The following CFTR variants were observed in gnomAD, a reference collection of about 807,000 sequenced individuals.
CFTR encodes the protein cystic fibrosis transmembrane conductance regulator.
In CFTR, 181 loss-of-function variants were observed where a neutral mutation model predicts 171.6. That is an observed-to-expected ratio of 1.05 (90% CI 0.93 to 1.19). The LOEUF (loss-of-function observed/expected upper bound fraction) is 1.19, where lower values mean the gene tolerates loss of function less well. CFTR is among the 50% of genes most tolerant of loss of function. The probability of loss-of-function intolerance (pLI) is 0.00; values close to 1 mark genes in which losing one functional copy is unlikely to be tolerated. For missense variants in CFTR, 1,968 were observed against 1,734.7 expected, an observed-to-expected ratio of 1.13 and a Z score of -2.39; for synonymous variants, 583 against 608.0, an observed-to-expected ratio of 0.96 and a Z score of 0.60.
At chr7:117,640,877 C>G (rs10276355) in intron 22 of CFTR, among the ~76,000 whole-genome samples, 2,173 of 152,208 alleles carry the variant, frequency 0.014, 37 homozygotes, top group African/African-American at 0.031. Context: ...CTGGCTATCC[C>G]TTAGTCAATT....
At chr7:117,568,391 A>G (rs1791636687) in intron 11 of CFTR, among the ~76,000 whole-genome samples, 1 of 152,074 alleles carries the variant, frequency 6.6e-6, no homozygotes, top group Admixed American at 6.6e-5. Flanking sequence ...GAGGAGCGGT[A>G]AGGCTGGTGG....
At chr7:117,645,934 C>A (rs565760607) in intron 23 of CFTR, among the ~76,000 whole-genome samples, 2 of 152,196 alleles carry the variant, frequency 1.3e-5, no homozygotes, top group East Asian at 3.9e-4. Context: ...TTTTTTCTTA[C>A]TAAGTTTTCT....
chr7:117,507,110 T>C (rs1798431634), intron 2 of CFTR, among the ~76,000 whole-genome samples: 1 of 152,224 alleles, frequency 6.6e-6, no homozygotes, highest in Non-Finnish European at 1.5e-5. Context: ...GGATATGAAC[T>C]TTTTAAGAAT....
rs370441339 is a variant in CFTR, at chr7:117,546,434, C to T, written c.1210-2207C>T. Among the ~76,000 whole-genome samples the T allele has an allele frequency of 4.4e-4, 67 of 152,048 alleles. 1 individual carries two copies. The East Asian group carries it at 0.011, about 26-fold the overall frequency. ...ACAGGCATGAGTCATTGCAGCTGAC[C>T]TGTATATATGATTTTTAGTATATGT... On this transcript the variant is annotated intron_variant, in intron 9 of 26. Transcript: ENST00000003084.
At chr7:117,504,984 A>G (rs1308485735) in intron 2 of CFTR, among the ~76,000 whole-genome samples, 2 of 152,204 alleles carry the variant, frequency 1.3e-5, no homozygotes, top group Non-Finnish European at 2.9e-5. Flanking sequence ...ATTTGCTTTC[A>G]AAACCTTTAT....
At chr7:117,630,556 ACT>A (rs1188198058) in intron 22 of CFTR, among the ~76,000 whole-genome samples, 2 of 152,136 alleles carry the variant, frequency 1.3e-5, no homozygotes, top group African/African-American at 4.8e-5. Context: ...AAAAAAGAAA[ACT>A]CAGCAAATCG....
At chr7:117,582,269 A>G (rs1328732833) in intron 11 of CFTR, among the ~76,000 whole-genome samples, 1 of 152,160 alleles carries the variant, frequency 6.6e-6, no homozygotes. Context: ...TAAGCCAGAC[A>G]GACCAGGGTT....
At chr7:117,612,055 A>G (rs1030080949) in intron 20 of CFTR, among the ~76,000 whole-genome samples, 30 of 74,814 alleles carry the variant, frequency 4.0e-4, no homozygotes, top group Admixed American at 5.8e-4. Context: ...ATATATATAC[A>G]TATATATATA....
intron 9 of CFTR, among the ~76,000 whole-genome samples, chr7:117,545,020 T>C (rs950879193): frequency 3.9e-5 from 6 of 152,222 alleles, no homozygotes; most frequent in African/African-American, 1.4e-4. Flanking sequence ...GTTTTCATGT[T>C]GCTGATAAAG....
At chr7:117,666,573 A>G (rs1471728865) in intron 26 of CFTR, among the ~76,000 whole-genome samples, 1 of 152,174 alleles carries the variant, frequency 6.6e-6, no homozygotes, top group African/African-American at 2.4e-5. Flanking sequence ...GAAGAGGCTC[A>G]ACTCTTTATG....
At chr7:117,534,410 T>C (rs1277191941) in intron 5 of CFTR, 45 bp downstream of exon 5, 1 of 1,061,414 alleles carries the variant, frequency 9.4e-7, no homozygotes, top group Admixed American at 1.7e-5. Flanking sequence ...TTGTTATAAA[T>C]TATACAACTG....
At chr7:117,525,137 T>C (rs1284218260) in intron 3 of CFTR, among the ~76,000 whole-genome samples, 3 of 152,238 alleles carry the variant, frequency 2.0e-5, no homozygotes, top group African/African-American at 4.8e-5. Context: ...CTGTCTGCTA[T>C]CATTCAAACT....
intron 1 of CFTR, among the ~76,000 whole-genome samples, chr7:117,501,611 G>A (rs1443152944): frequency 6.6e-6 from 1 of 150,872 alleles, no homozygotes; most frequent in African/African-American, 2.4e-5. Flanking sequence ...GCCGGGCATG[G>A]TGGTGCATGC....
At chr7:117,491,326 CTTTG>C (rs1387045825) in intron 1 of CFTR, among the ~76,000 whole-genome samples, 3 of 152,028 alleles carry the variant, frequency 2.0e-5, no homozygotes, top group Admixed American at 6.6e-5. Flanking sequence ...AAAGTATCAC[CTTTG>C]TTTGTTTGTC....
intron 18 of CFTR, among the ~76,000 whole-genome samples, chr7:117,607,164 C>T (rs1792312357): frequency 6.6e-6 from 1 of 152,100 alleles, no homozygotes; most frequent in Non-Finnish European, 1.5e-5. Context: ...TGAAACTAGC[C>T]TCACCCATGA....
At chr7:117,486,604 A>G (rs1303613271) in intron 1 of CFTR, among the ~76,000 whole-genome samples, 4 of 152,036 alleles carry the variant, frequency 2.6e-5, no homozygotes, top group African/African-American at 7.2e-5. Flanking sequence ...AGGATAAGTA[A>G]GCATGGCACC....
At chr7:117,535,637 C>T (rs1220468344) in intron 6 of CFTR, among the ~76,000 whole-genome samples, 1 of 150,622 alleles carries the variant, frequency 6.6e-6, no homozygotes, top group Non-Finnish European at 1.5e-5. Context: ...CAGGCTCAAG[C>T]AATTCTCCTG....
chr7:117,615,863 T>C (rs910952728), intron 21 of CFTR, among the ~76,000 whole-genome samples: 3 of 152,090 alleles, frequency 2.0e-5, no homozygotes, highest in African/African-American at 7.2e-5. Context: ...ATTTTTGTAC[T>C]ACTGTATTTA....
At chr7:117,630,207 A>G (rs983385371) in intron 22 of CFTR, among the ~76,000 whole-genome samples, 3 of 152,202 alleles carry the variant, frequency 2.0e-5, no homozygotes, top group Non-Finnish European at 4.4e-5. Flanking sequence ...TCTTGAAAAG[A>G]GCCCTCCCTC....
Sources: allele counts gnomAD v4.1 joint callset (sites outside exome capture counted in the v4.1 genomes callset), GRCh38; gene constraint gnomAD v4.1.1; transcripts MANE v1.5; gene names NCBI Gene and HGNC (gene_info 2026-07-23, HGNC 2026-07-21).